TTLL7: variants seen among roughly 807,000 people sequenced by gnomAD.
TTLL7 encodes the protein tubulin polyglutamylase TTLL7.
TTLL7 carries 53 observed loss-of-function variants against 120.2 expected under a neutral mutation model. The ratio of observed to expected loss-of-function variants is 0.44; its 90% CI spans 0.35 to 0.55. The LOEUF is 0.55. Among genes scored for constraint, TTLL7 ranks in the 20% least tolerant of loss-of-function variants. TTLL7 has a pLI of 0.00. For missense variants in TTLL7, 803 were observed against 1,054.7 expected, an observed-to-expected ratio of 0.76 and a Z score of 3.31; for synonymous variants, 353 against 351.7, an observed-to-expected ratio of 1.00 and a Z score of -0.04.
chr1:83,912,531 T>A (rs1158114031), intron 14 of TTLL7: 4 of 152,216 alleles, frequency 2.6e-5, no homozygotes, highest in African/African-American at 9.6e-5. Flanking sequence ...AATGTTTTGA[T>A]GTTAGCATAC....
In TTLL7 at chr1:83,882,953, G is replaced by GAACAAGTA; in HGVS notation, c.2543+2_2543+9dup. The GAACAAGTA allele has an allele frequency of 6.2e-7, 1 of 1,608,270 alleles. No individual in the cohort carries two copies. Among genetic ancestry groups the GAACAAGTA allele is most frequent in the Non-Finnish European group, 8.5e-7 (1 of 1,177,656 alleles). On this transcript the variant is annotated intron_variant, in intron 20 of 20. Coordinates refer to ENST00000260505, the MANE Select transcript of TTLL7 (RefSeq NM_024686.6). ...AAAACTCTCAAGGGTTAGAGAATGT[G>GAACAAGTA]AACAAGTACCTGGAATTACCCCAGT... is the stretch of plus-strand genomic sequence containing the variant.
rs115752137 is a variant in TTLL7, at chr1:83,960,608, G to C, written c.-176-8221C>G. Among the ~76,000 whole-genome samples, 107 of 152,166 alleles carry C rather than the reference G, an allele frequency of 7.0e-4. 1 individual carries two copies. Among genetic ancestry groups the C allele is most frequent in the African/African-American group, 2.4e-3 (100 of 41,538 alleles). On this transcript the variant is annotated intron_variant, in intron 1 of 20. Coordinates refer to ENST00000260505, the MANE Select transcript of TTLL7 (RefSeq NM_024686.6). The stretch of plus-strand genomic sequence containing the variant: ...ATTTCAGCTTTGTATTTGCAATAAG[G>C]GTGGATGAAAATAAACAGAAAATAA...
intron 19 of TTLL7, among the ~76,000 whole-genome samples, chr1:83,884,055 T>C (rs1654751641): frequency 6.6e-6 from 1 of 151,918 alleles, no homozygotes; most frequent in African/African-American, 2.4e-5. Flanking sequence ...TGTGTGTGTG[T>C]GTTAACAATT....
At chr1:83,912,142 T>C (rs545360583) in intron 14 of TTLL7, among the ~76,000 whole-genome samples, 30 of 152,172 alleles carry the variant, frequency 2.0e-4, no homozygotes, top group Non-Finnish European at 4.1e-4. Flanking sequence ...CATGCTACAT[T>C]TTAAAAATTA....
At chr1:83,883,239 G>A in intron 19 of TTLL7, 103 bp from the exon 20 acceptor site, 2 of 868,206 alleles carry the variant, frequency 2.3e-6, no homozygotes, top group South Asian at 2.1e-5. Flanking sequence ...AATAGAAATG[G>A]TCTCATACAT....
chr1:83,939,664 T>C (rs1647749074), intron 7 of TTLL7, among the ~76,000 whole-genome samples: 3 of 152,174 alleles, frequency 2.0e-5, no homozygotes, highest in Non-Finnish European at 4.4e-5. Context: ...GTACACAAAA[T>C]TTTTCAAGGA....
chr1:83,963,987 T>A (rs1343948456), intron 1 of TTLL7, among the ~76,000 whole-genome samples: 1 of 152,122 alleles, frequency 6.6e-6, no homozygotes. Flanking sequence ...TTCCCTCAGT[T>A]GTGTGTATAA....
Position 83,958,307 on chromosome 1 carries a change from T to C in TTLL7, c.-176-5920A>G, listed in dbSNP as rs570674484. On this transcript the variant is annotated intron_variant, in intron 1 of 20. Coordinates refer to ENST00000260505, the MANE Select transcript of TTLL7 (RefSeq NM_024686.6). ...ACAATTTTGCAAATATGTCTCAAGATAATCTTCTCCAGATCCCTAAATTGT... is the reference window on the plus strand; with the variant it reads ...ACAATTTTGCAAATATGTCTCAAGACAATCTTCTCCAGATCCCTAAATTGT... Among the ~76,000 whole-genome samples, 440 of 152,316 alleles carry C rather than the reference T, an allele frequency of 2.9e-3. 1 individual carries two copies. The highest frequency in any genetic ancestry group is 5.0e-3 in the Non-Finnish European group (343 of 68,030).
intron 1 of TTLL7, among the ~76,000 whole-genome samples, chr1:83,970,375 G>T (rs1650861824): frequency 6.6e-6 from 1 of 152,052 alleles, no homozygotes; most frequent in African/African-American, 2.4e-5. Flanking sequence ...TGTATGAGGT[G>T]CTATTCACAC....
At chr1:83,937,659 G>T (rs1647543959) in intron 8 of TTLL7, among the ~76,000 whole-genome samples, 193 bp downstream of exon 8, 1 of 152,222 alleles carries the variant, frequency 6.6e-6, no homozygotes, top group East Asian at 1.9e-4. Flanking sequence ...ATCACCCAAG[G>T]ATGCATTTCT....
intron 8 of TTLL7, among the ~76,000 whole-genome samples, chr1:83,937,614 G>GT (rs1647540529): frequency 1.3e-5 from 2 of 152,148 alleles, no homozygotes; most frequent in Admixed American, 6.5e-5. Flanking sequence ...CTAGGCTTGT[G>GT]TAAGTACAAT....
chr1:83,918,352 G>C (rs1256996148), intron 13 of TTLL7, among the ~76,000 whole-genome samples: 2 of 152,110 alleles, frequency 1.3e-5, no homozygotes, highest in East Asian at 3.8e-4. Context: ...TACCCCAGTG[G>C]ATATTAGGCA....
intron 8 of TTLL7, 30 bp from the exon 9 acceptor site, chr1:83,933,796 T>A: frequency 6.3e-7 from 1 of 1,587,502 alleles, no homozygotes; most frequent in Non-Finnish European, 8.6e-7. Flanking sequence ...GAAGTGAAAA[T>A]GCCTTTGTAT....
At chr1:83,988,588 C>T (rs964896346) in intron 1 of TTLL7, among the ~76,000 whole-genome samples, 1 of 152,100 alleles carries the variant, frequency 6.6e-6, no homozygotes, top group Non-Finnish European at 1.5e-5. Context: ...CTGACTGATG[C>T]GAGATGGTAT....
chr1:83,996,784 T>A (rs1186279729), intron 1 of TTLL7, among the ~76,000 whole-genome samples: 1 of 152,076 alleles, frequency 6.6e-6, no homozygotes, highest in Non-Finnish European at 1.5e-5. Context: ...ATTCATACTC[T>A]CAGTGATGTC....
chr1:83,907,759 A>G, intron 15 of TTLL7, 98 bp from the exon 16 acceptor site: 1 of 1,065,480 alleles, frequency 9.4e-7, no homozygotes, highest in Non-Finnish European at 1.4e-6. Context: ...AGCAGCTAGT[A>G]GTAAAGTAGC....
intron 20 of TTLL7, among the ~76,000 whole-genome samples, chr1:83,874,946 T>C (rs1653793756): frequency 6.6e-6 from 1 of 152,024 alleles, no homozygotes; most frequent in Non-Finnish European, 1.5e-5. Flanking sequence ...CTTAGATAGA[T>C]ATATCCAAGT....
intron 1 of TTLL7, among the ~76,000 whole-genome samples, chr1:83,993,386 A>T (rs940218510): frequency 6.6e-6 from 1 of 152,246 alleles, no homozygotes; most frequent in Non-Finnish European, 1.5e-5. Flanking sequence ...AATGTTTATA[A>T]AAACAGCTAC....
At chr1:83,990,243 T>G (rs890278369) in intron 1 of TTLL7, among the ~76,000 whole-genome samples, 12 of 146,894 alleles carry the variant, frequency 8.2e-5, no homozygotes, top group African/African-American at 3.0e-4. Flanking sequence ...TGGCGCAATC[T>G]CGGCTCACTG....
Sources: allele counts gnomAD v4.1 joint callset (sites outside exome capture counted in the v4.1 genomes callset), GRCh38; gene constraint gnomAD v4.1.1; transcripts MANE v1.5; gene names NCBI Gene and HGNC (gene_info 2026-07-23, HGNC 2026-07-21).